NRG1: variants seen among roughly 807,000 people sequenced by gnomAD.
NRG1 encodes neuregulin 1.
NRG1 carries 18 observed loss-of-function variants against 63.8 expected under a neutral mutation model. The observed-to-expected ratio is 0.28, with a 90% CI of 0.19 to 0.42. The LOEUF (loss-of-function observed/expected upper bound fraction) is 0.42. Ranked by LOEUF, NRG1 falls within the 10% of genes least tolerant of loss-of-function variation. NRG1 has a pLI of 1.00. For synonymous variants in NRG1, 302 were observed against 301.3 expected (o/e 1.00, Z -0.02); for missense variants, 762 against 814.7 (o/e 0.94, Z 0.79).
At chr8:32,724,958 A>G (rs1275143255) in intron 5 of NRG1, among the ~76,000 whole-genome samples, 1 of 152,130 alleles carries the variant, frequency 6.6e-6, no homozygotes, top group Admixed American at 6.5e-5. Context: ...AAGGATAATC[A>G]TTTCAGAGAG....
intron 1 of NRG1, among the ~76,000 whole-genome samples, chr8:32,087,756 G>A (rs574008766): frequency 8.6e-5 from 13 of 151,990 alleles, no homozygotes; most frequent in South Asian, 2.1e-4. Flanking sequence ...GGCGTGAGGC[G>A]CTGCGCCTAA....
intron 1 of NRG1, among the ~76,000 whole-genome samples, chr8:32,570,992 A>C (rs1034413025): frequency 6.6e-6 from 1 of 152,214 alleles, no homozygotes; most frequent in African/African-American, 2.4e-5. Context: ...AGCATAGTTT[A>C]TGTGTGAATA....
intron 1 of NRG1, among the ~76,000 whole-genome samples, chr8:32,278,312 G>A (rs897930801): frequency 6.6e-6 from 1 of 152,034 alleles, no homozygotes; most frequent in Non-Finnish European, 1.5e-5. Context: ...GAAAAATAGA[G>A]CAATTTGGGG....
At chr8:32,540,662 A>G (rs1005551078) in intron 1 of NRG1, among the ~76,000 whole-genome samples, 2 of 152,140 alleles carry the variant, frequency 1.3e-5, no homozygotes, top group South Asian at 2.1e-4. Flanking sequence ...TGATGATCCA[A>G]ACATATTCTA....
intron 1 of NRG1, among the ~76,000 whole-genome samples, chr8:31,689,321 A>G (rs1443015098): frequency 6.6e-6 from 1 of 152,222 alleles, no homozygotes; most frequent in Admixed American, 6.5e-5. Flanking sequence ...CTCACAACCT[A>G]TGTGCTAGCT....
intron 5 of NRG1, among the ~76,000 whole-genome samples, chr8:32,712,882 G>A (rs1272365017): frequency 6.6e-6 from 1 of 152,110 alleles, no homozygotes; most frequent in Admixed American, 6.6e-5. Flanking sequence ...TAGTCACAGA[G>A]CTTGTAAAAT....
intron 1 of NRG1, among the ~76,000 whole-genome samples, chr8:32,503,308 A>G (rs1298369077): frequency 1.3e-5 from 2 of 150,358 alleles, no homozygotes; most frequent in African/African-American, 4.9e-5. Context: ...AAAAAAAAAA[A>G]AAAAAAAAGG....
intron 1 of NRG1, among the ~76,000 whole-genome samples, chr8:31,854,073 CT>C (rs1288912538): frequency 2.0e-5 from 3 of 151,198 alleles, no homozygotes; most frequent in African/African-American, 7.3e-5. Flanking sequence ...CTAAAATTCT[CT>C]TTTTTTGTTG....
At chr8:32,674,421 C>T (rs1354622784) in intron 5 of NRG1, among the ~76,000 whole-genome samples, 1 of 152,084 alleles carries the variant, frequency 6.6e-6, no homozygotes, top group Non-Finnish European at 1.5e-5. Context: ...TTTTAGGCAA[C>T]ATTTAAGGAT....
intron 1 of NRG1, among the ~76,000 whole-genome samples, chr8:32,261,897 A>G (rs2129471645): frequency 6.6e-6 from 1 of 152,256 alleles, no homozygotes; most frequent in African/African-American, 2.4e-5. Context: ...ACTATCTTGC[A>G]TTGGGATTCA....
chr8:32,483,046 T>C (rs1407966846), intron 1 of NRG1, among the ~76,000 whole-genome samples: 1 of 152,250 alleles, frequency 6.6e-6, no homozygotes, highest in African/African-American at 2.4e-5. Flanking sequence ...GTCTTGTGTA[T>C]GTTACACACT....
At chr8:32,516,092 A>G (rs578201983) in intron 1 of NRG1, among the ~76,000 whole-genome samples, 1 of 152,276 alleles carries the variant, frequency 6.6e-6, no homozygotes, top group South Asian at 2.1e-4. Flanking sequence ...GTATATGGTG[A>G]AAGGCAGCAG....
intron 1 of NRG1, among the ~76,000 whole-genome samples, chr8:32,224,707 A>T (rs1586203639): frequency 6.6e-6 from 1 of 152,314 alleles, no homozygotes; most frequent in East Asian, 1.9e-4. Flanking sequence ...AATTTGAACT[A>T]ATTTTACTGA....
At chr8:31,665,796 C>A (rs1458097306) in intron 1 of NRG1, among the ~76,000 whole-genome samples, 1 of 151,872 alleles carries the variant, frequency 6.6e-6, no homozygotes, top group African/African-American at 2.4e-5. Flanking sequence ...GCGATATGAC[C>A]CAGGGCTCTC....
intron 1 of NRG1, among the ~76,000 whole-genome samples, chr8:32,045,060 A>T (rs370872994): frequency 6.6e-6 from 1 of 151,868 alleles, no homozygotes; most frequent in African/African-American, 2.4e-5. Context: ...AATCAAATTG[A>T]TGAACCTCTT....
chr8:31,754,591 C>T (rs928390100), intron 1 of NRG1, among the ~76,000 whole-genome samples: 10 of 152,102 alleles, frequency 6.6e-5, no homozygotes, highest in South Asian at 4.2e-4. Context: ...TTTATAGCAA[C>T]GCAACAATGA....
chr8:32,038,320 C>A (rs916670964), intron 1 of NRG1, among the ~76,000 whole-genome samples: 1 of 152,074 alleles, frequency 6.6e-6, no homozygotes, highest in Non-Finnish European at 1.5e-5. Flanking sequence ...ACCATCTAGT[C>A]AGTCCCAATT....
chr8:32,038,899 T>C (rs1371991576), intron 1 of NRG1, among the ~76,000 whole-genome samples: 2 of 152,112 alleles, frequency 1.3e-5, no homozygotes, highest in Non-Finnish European at 2.9e-5. Context: ...TCCAAGTGCC[T>C]GTTTTTTCTG....
chr8:32,676,004 A>G (rs1002286274), intron 5 of NRG1, among the ~76,000 whole-genome samples: 3 of 152,178 alleles, frequency 2.0e-5, no homozygotes, highest in African/African-American at 7.2e-5. Context: ...ACTTTTCACT[A>G]ACTTATTTAG....
Sources: gnomAD v4.1 joint callset for allele counts (sites outside exome capture counted in the v4.1 genomes callset) on GRCh38, gnomAD v4.1.1 for gene constraint, MANE v1.5 for transcripts, NCBI Gene and HGNC (gene_info 2026-07-23, HGNC 2026-07-21) for gene names.